Variants in SLC14A2 observed in about 807,000 individuals in gnomAD.
SLC14A2 encodes the protein urea transporter 2.
A neutral mutation model predicts 104.6 loss-of-function variants in SLC14A2; 91 were observed. The observed-to-expected ratio is 0.87, with a 90% CI of 0.73 to 1.04. The LOEUF is 1.04. Among genes scored for constraint, SLC14A2 ranks in the 50% least tolerant of loss-of-function variants. The pLI is 0.00. For missense variants in SLC14A2, 1,189 were observed against 1,156.0 expected, an observed-to-expected ratio of 1.03 and a Z score of -0.41; for synonymous variants, 476 against 466.4, an observed-to-expected ratio of 1.02 and a Z score of -0.27.
At chr18:45,293,576 G>A (rs2084892043) in intron 1 of SLC14A2, among the ~76,000 whole-genome samples, 1 of 151,656 alleles carries the variant, frequency 6.6e-6, no homozygotes, top group Non-Finnish European at 1.5e-5. Flanking sequence ...GGGAAAAGTA[G>A]AATTGTATTT....
At chr18:45,610,274 AAC>A (rs2044951048) in intron 2 of SLC14A2, among the ~76,000 whole-genome samples, 1 of 152,188 alleles carries the variant, frequency 6.6e-6, no homozygotes, top group Non-Finnish European at 1.5e-5. Context: ...GCTGATGCTG[AAC>A]CCTCATTCAC....
chr18:45,335,574 TC>T (rs1293697224), intron 1 of SLC14A2, among the ~76,000 whole-genome samples: 1 of 152,212 alleles, frequency 6.6e-6, no homozygotes, highest in African/African-American at 2.4e-5. Flanking sequence ...AAGATGGCTC[TC>T]AGCAATAAAG....
intron 1 of SLC14A2, among the ~76,000 whole-genome samples, chr18:45,449,806 G>A (rs1481858435): frequency 6.6e-6 from 1 of 152,192 alleles, no homozygotes; most frequent in Non-Finnish European, 1.5e-5. Context: ...CCCAAAACGT[G>A]TGGGCTTATA....
rs569948118 is a variant in SLC14A2 at position 45,234,578 on chromosome 18, G to A, written c.-125+21387G>A. Among the ~76,000 whole-genome samples the A allele has an allele frequency of 4.5e-4, 69 of 152,288 alleles. 1 individual carries two copies. The highest frequency in any genetic ancestry group is 1.5e-3 in the African/African-American group (64 of 41,566). On this transcript the variant is annotated intron_variant, in intron 1 of 20. Transcript: ENST00000586448. ...GACCAGCAATTATTTAAGTGGAGAC[G>A]CATAGACTAGGTGTAAATTAGTAAC...
chr18:45,641,093 T>G, intron 7 of SLC14A2, 116 bp from the exon 8 acceptor site: 7 of 1,026,524 alleles, frequency 6.8e-6, no homozygotes, highest in Non-Finnish European at 1.0e-5. Flanking sequence ...TGGGCAGGTT[T>G]GGAGATGTGG....
At chr18:45,579,752 G>T (rs1162120009) in intron 2 of SLC14A2, among the ~76,000 whole-genome samples, 1 of 152,220 alleles carries the variant, frequency 6.6e-6, no homozygotes, top group Non-Finnish European at 1.5e-5. Context: ...GATGCCCATA[G>T]ATGAGTGCAA....
intron 1 of SLC14A2, among the ~76,000 whole-genome samples, chr18:45,390,874 C>A (rs1299907352): frequency 6.6e-6 from 1 of 152,160 alleles, no homozygotes; most frequent in East Asian, 1.9e-4. Flanking sequence ...TGCTAGTAAT[C>A]AGCACATTTA....
rs74424894 is a variant in SLC14A2 at position 45,326,909 on chromosome 18, T to C, written c.-125+113718T>C. ...AGGGTGAGGATGGAGAGCAGGAACA[T>C]AGAAAGTCAGTTTTCCTACAACAGC... On this transcript the variant is annotated intron_variant, in intron 1 of 20. Transcript: ENST00000586448. Among the ~76,000 whole-genome samples, 16 of 152,320 alleles carry C rather than the reference T, an allele frequency of 1.1e-4. No individual in the cohort carries two copies. In the East Asian group the frequency reaches 2.5e-3, roughly 24 times the overall value.
At chr18:45,389,179 A>C (rs2085933762) in intron 1 of SLC14A2, among the ~76,000 whole-genome samples, 1 of 152,222 alleles carries the variant, frequency 6.6e-6, no homozygotes, top group African/African-American at 2.4e-5. Flanking sequence ...CTTTCTGACC[A>C]GCTATTGGGC....
intron 2 of SLC14A2, among the ~76,000 whole-genome samples, chr18:45,605,567 A>G (rs1215219741): frequency 6.6e-6 from 1 of 152,210 alleles, no homozygotes; most frequent in Non-Finnish European, 1.5e-5. Context: ...TGCACAGATA[A>G]CAGGAGAAAT....
intron 1 of SLC14A2, among the ~76,000 whole-genome samples, chr18:45,479,853 G>C (rs983047788): frequency 3.9e-5 from 6 of 152,152 alleles, no homozygotes; most frequent in African/African-American, 1.4e-4. Flanking sequence ...CCAAAGGTCT[G>C]GACTCTGTCC....
intron 2 of SLC14A2, among the ~76,000 whole-genome samples, chr18:45,568,509 C>T (rs11659319): frequency 0.26 from 39,245 of 152,120 alleles, 5,372 homozygotes; most frequent in Non-Finnish European, 0.3. Flanking sequence ...GGCAGAGCCA[C>T]GAGAGTGGTT....
intron 1 of SLC14A2, among the ~76,000 whole-genome samples, chr18:45,399,663 TG>T (rs767151727): frequency 9.9e-5 from 15 of 151,866 alleles, no homozygotes; most frequent in East Asian, 1.9e-4. Context: ...TATGGTGGGA[TG>T]TTTTTTTCCA....
chr18:45,577,499 T>C (rs148432074), intron 2 of SLC14A2, among the ~76,000 whole-genome samples: 294 of 152,282 alleles, frequency 1.9e-3, no homozygotes, highest in African/African-American at 6.7e-3. Context: ...CAATCTTTCA[T>C]AATAGAGTAT....
In SLC14A2 at chr18:45,673,755, T is replaced by C. The variant is rs1303760119; in HGVS notation, c.2450T>C (p.Ile817Thr). 1.2e-6 allele frequency: 2 copies of C among 1,614,198 alleles called. No homozygotes were observed. Among genetic ancestry groups the C allele is most frequent in the Non-Finnish European group, 8.5e-7 (1 of 1,180,014 alleles). ...GGCTTCAACAGCACCCTCGCATGCA[T>C]AGCGATAGGAGGCATGTTCTACGTC... ...LCGFNSTLAC[I>T]AIGGMFYVIT... The change falls in exon 18 of 20, where the codon ATA becomes ACA. Residue 817 changes from isoleucine to threonine, a missense_variant. Ile to Thr is a moderately conservative substitution (Grantham distance 89). Coordinates refer to ENST00000255226, the MANE Select transcript of SLC14A2 (RefSeq NM_007163.4).
At chr18:45,365,200 A>G (rs1475908243) in intron 1 of SLC14A2, among the ~76,000 whole-genome samples, 1 of 152,236 alleles carries the variant, frequency 6.6e-6, no homozygotes, top group Non-Finnish European at 1.5e-5. Context: ...CCAGCTTTAC[A>G]GAGCTAGAGT....
chr18:45,651,621 G>T (rs539865662), intron 10 of SLC14A2, among the ~76,000 whole-genome samples: 1 of 152,172 alleles, frequency 6.6e-6, no homozygotes, highest in Non-Finnish European at 1.5e-5. Flanking sequence ...TGTGGAGGCC[G>T]GTTGGAGATG....
chr18:45,533,141 A>T (rs1286520691), intron 2 of SLC14A2, among the ~76,000 whole-genome samples: 1 of 152,118 alleles, frequency 6.6e-6, no homozygotes, highest in African/African-American at 2.4e-5. Context: ...TTTATCAAGG[A>T]TATTGGTCTA....
chr18:45,581,978 G>A (rs1251820033), intron 2 of SLC14A2, among the ~76,000 whole-genome samples: 1 of 152,214 alleles, frequency 6.6e-6, no homozygotes, highest in Non-Finnish European at 1.5e-5. Flanking sequence ...AATTTATAAT[G>A]AATGGAAGTG....
Sources: allele counts gnomAD v4.1 joint callset (sites outside exome capture counted in the v4.1 genomes callset), GRCh38; gene constraint gnomAD v4.1.1; transcripts MANE v1.5; gene names NCBI Gene and HGNC (gene_info 2026-07-23, HGNC 2026-07-21).